The following PCDHGA12 variants were observed in gnomAD, a reference collection of about 807,000 sequenced individuals.
The protein encoded by PCDHGA12 is protocadherin gamma subfamily A, 12, also known as protocadherin gamma-A12.
PCDHGA12 carries 43 observed loss-of-function variants against 61.1 expected under a neutral mutation model. The observed-to-expected ratio is 0.70, with a 90% CI of 0.55 to 0.91. The LOEUF (loss-of-function observed/expected upper bound fraction) is 0.91. Among genes scored for constraint, PCDHGA12 ranks in the 40% least tolerant of loss-of-function variants. The pLI is 0.00. For synonymous variants in PCDHGA12, 520 were observed against 542.9 expected (o/e 0.96, Z 0.59); for missense variants, 1,236 against 1,227.7 (o/e 1.01, Z -0.10).
rs759095332 is a variant in PCDHGA12, at chr5:141,432,306, C to T, written c.1547C>T (p.Ala516Val). 1 of 1,614,250 alleles carries T rather than the reference C, an allele frequency of 6.2e-7. No homozygotes were observed. The change falls in exon 1 of 4, where the codon GCG becomes GTG. Residue 516 changes from alanine to valine, a missense_variant. Coordinates refer to ENST00000252085, the MANE Select transcript of PCDHGA12 (RefSeq NM_003735.3). This position sits in a 1 kb window ranked among gnomAD's most constrained non-coding sequence, Gnocchi z 6.0. ...AACTCCGACACTGGGGTACTGTATG[C>T]GCTGAGCTCCTTCGACTACGAGCAG... ...SINSDTGVLY[A>V]LSSFDYEQFR...
chr5:141,511,003 G>T lies in PCDHGA12; in HGVS notation c.2629G>T (p.Ala877Ser), dbSNP rs114669158. ...GGGAGTMGLS[A>S]RYGPQFTLQH... The stretch of plus-strand genomic sequence containing the variant: ...GGGTGCCGGCACCATGGGATTGAGC[G>T]CCCGCTACGGACCCCAGTTCACCCT... Residue 877 changes from alanine to serine, a missense_variant, in exon 4 of 4, where the codon GCC (alanine) becomes TCC (serine). Coordinates refer to ENST00000252085, the MANE Select transcript of PCDHGA12 (RefSeq NM_003735.3). 2 of 1,614,032 alleles carry T rather than the reference G, an allele frequency of 1.2e-6. No individual in the cohort carries two copies. Among genetic ancestry groups the T allele is most frequent in the Non-Finnish European group, 1.7e-6 (2 of 1,180,020 alleles).
chr5:141,464,184 G>T (rs1348739162), intron 1 of PCDHGA12, among the ~76,000 whole-genome samples: 1 of 150,316 alleles, frequency 6.7e-6, no homozygotes, highest in Non-Finnish European at 1.5e-5. Flanking sequence ...AGAATTGCTT[G>T]ATTTCAGGAG....
chr5:141,477,010 C>G lies in PCDHGA12; in HGVS notation c.2425-17797C>G. On this transcript the variant is annotated intron_variant, in intron 1 of 3. Coordinates refer to ENST00000252085, the MANE Select transcript of PCDHGA12 (RefSeq NM_003735.3). This position sits in a 1 kb window ranked among gnomAD's most constrained non-coding sequence, Gnocchi z 4.9. ...GCGTGCGGCAACTATTCGCCTTAGA[C>G]CTTGTAACCGGGATGCTGACAATCA... 4 of 1,614,260 alleles carry G rather than the reference C, an allele frequency of 2.5e-6. No homozygotes were observed. Among genetic ancestry groups the G allele is most frequent in the Non-Finnish European group, 2.5e-6 (3 of 1,180,052 alleles).
chr5:141,460,741 A>C (rs1378900827), intron 1 of PCDHGA12, among the ~76,000 whole-genome samples: 1 of 152,128 alleles, frequency 6.6e-6, no homozygotes, highest in African/African-American at 2.4e-5. Flanking sequence ...CACATTGTAT[A>C]TATATGTGTA....
Position 141,493,876 on chromosome 5 carries a change from G to T in PCDHGA12, c.2425-931G>T, listed in dbSNP as rs2099750541. 6.6e-6 allele frequency among the ~76,000 whole-genome samples: 1 copy of T among 152,194 alleles called. No homozygotes were observed. ...CAGCCCACCCCAGAACCAGTGAGGA[G>T]GTGGCTCTAGGAGTGCTCCATGAGA... On this transcript the variant is annotated intron_variant, in intron 1 of 3. Transcript: ENST00000252085. The surrounding 1 kb of genome is among the most constrained non-coding windows in gnomAD (Gnocchi z 4.3).
intron 1 of PCDHGA12, among the ~76,000 whole-genome samples, chr5:141,454,980 T>A (rs1049733405): frequency 9.3e-5 from 14 of 151,310 alleles, no homozygotes; most frequent in African/African-American, 2.4e-4. Context: ...GCTAATTTTT[T>A]AAAAAATATT....
intron 1 of PCDHGA12, among the ~76,000 whole-genome samples, chr5:141,484,358 G>A (rs2099595185): frequency 6.6e-6 from 1 of 152,160 alleles, no homozygotes; most frequent in South Asian, 2.1e-4. Flanking sequence ...AGTGTATCTA[G>A]TGTATCACTA....
At position 141,487,219 on chromosome 5, in the gene PCDHGA12, A is replaced by G. The variant is rs750819958; in HGVS notation, c.2425-7588A>G. ...CAGATCTTCGAGAATCTTCAGCTCC[A>G]AGGGAAGGAGAATCTCGTCTAACCC... On this transcript the variant is annotated intron_variant, in intron 1 of 3. Transcript: ENST00000252085. This position sits in a 1 kb window ranked among gnomAD's most constrained non-coding sequence, Gnocchi z 5.0. The G allele has an allele frequency of 1.2e-6, 2 of 1,613,952 alleles. No individual in the cohort carries two copies. The highest frequency in any genetic ancestry group is 3.3e-5 in the Admixed American group (2 of 60,020).
intron 1 of PCDHGA12, chr5:141,478,446 G>A: frequency 6.2e-7 from 1 of 1,613,520 alleles, no homozygotes; most frequent in Non-Finnish European, 8.5e-7. Flanking sequence ...AAGAAACCTG[G>A]TGCAGCCAGT....
Position 141,476,129 on chromosome 5 carries a change from G to T in PCDHGA12, c.2425-18678G>T, listed in dbSNP as rs2099385585. 6.2e-7 allele frequency: 1 copy of T among 1,606,848 alleles called. No homozygotes were observed. The highest frequency in any genetic ancestry group is 1.3e-5 in the African/African-American group (1 of 75,000). On this transcript the variant is annotated intron_variant, in intron 1 of 3. Transcript: ENST00000252085. The surrounding 1 kb of genome is among the most constrained non-coding windows in gnomAD (Gnocchi z 7.6). ...GCTTTTGAGTGAGATGGTCCCAGAG[G>T]CCTGGAGGAGCGGACTGGTAAGCAC...
At chr5:141,450,796 G>GTATT (rs1490825772) in intron 1 of PCDHGA12, among the ~76,000 whole-genome samples, 8 of 145,976 alleles carry the variant, frequency 5.5e-5, no homozygotes, top group African/African-American at 1.8e-4. Flanking sequence ...CCTCATGATT[G>GTATT]TATTTATTTA....
intron 1 of PCDHGA12, among the ~76,000 whole-genome samples, chr5:141,467,823 T>A (rs1225960296): frequency 1.3e-5 from 2 of 152,012 alleles, no homozygotes; most frequent in African/African-American, 2.4e-5. Flanking sequence ...CACACCAGGC[T>A]GATTTTTATA....
At chr5:141,470,723 G>T (rs1326927605) in intron 1 of PCDHGA12, among the ~76,000 whole-genome samples, 1 of 151,852 alleles carries the variant, frequency 6.6e-6, no homozygotes, top group East Asian at 1.9e-4. Flanking sequence ...TTTGAGTCAG[G>T]GTCTTGCTCT....
At chr5:141,480,625 G>A (rs1041569361) in intron 1 of PCDHGA12, among the ~76,000 whole-genome samples, 2 of 152,070 alleles carry the variant, frequency 1.3e-5, no homozygotes, top group Non-Finnish European at 2.9e-5. Flanking sequence ...ATTTTCCCTA[G>A]AACAATGTTT....
At chr5:141,442,202 G>A (rs1033563159) in intron 1 of PCDHGA12, 2 of 153,258 alleles carry the variant, frequency 1.3e-5, no homozygotes, top group African/African-American at 4.8e-5. Context: ...TTTATATCTG[G>A]TGATTGCCTT....
chr5:141,501,311 AC>A (rs2099807696), intron 2 of PCDHGA12, among the ~76,000 whole-genome samples: 1 of 151,670 alleles, frequency 6.6e-6, no homozygotes, highest in Non-Finnish European at 1.5e-5. Context: ...ACACACACAC[AC>A]ACACACACAC....
At chr5:141,502,953 C>G (rs145774277) in intron 2 of PCDHGA12, among the ~76,000 whole-genome samples, 1,594 of 147,762 alleles carry the variant, frequency 0.011, 24 homozygotes, top group African/African-American at 0.037. Context: ...AAGCGATTCT[C>G]CTGCCTCAGC....
Position 141,487,298 on chromosome 5 carries a change from G to T in PCDHGA12, c.2425-7509G>T. 6.2e-7 allele frequency: 1 copy of T among 1,614,072 alleles called. No individual in the cohort carries two copies. Among genetic ancestry groups the T allele is most frequent in the Non-Finnish European group, 8.5e-7 (1 of 1,180,018 alleles). ...TTGCTTTGTCTCCTTTGGCTCATTC[G>T]TGGCACTACTCTCTAAGTGTCTTCG... On this transcript the variant is annotated intron_variant, in intron 1 of 3. Coordinates refer to ENST00000252085, the MANE Select transcript of PCDHGA12 (RefSeq NM_003735.3). This position sits in a 1 kb window ranked among gnomAD's most constrained non-coding sequence, Gnocchi z 5.0.
Position 141,490,920 on chromosome 5 carries a change from T to A in PCDHGA12, c.2425-3887T>A. 1.2e-6 allele frequency: 2 copies of A among 1,613,638 alleles called. No homozygotes were observed. The highest frequency in any genetic ancestry group is 1.7e-6 in the Non-Finnish European group (2 of 1,179,684). The stretch of plus-strand genomic sequence containing the variant: ...TGTTTGTCCTAGACGAGAATGATAA[T>A]GCCCCAGCTGTGCTGCACCCACGGC... On this transcript the variant is annotated intron_variant, in intron 1 of 3. Coordinates refer to ENST00000252085, the MANE Select transcript of PCDHGA12 (RefSeq NM_003735.3). This position sits in a 1 kb window ranked among gnomAD's most constrained non-coding sequence, Gnocchi z 5.4.
Sources: gnomAD v4.1 joint callset for allele counts (sites outside exome capture counted in the v4.1 genomes callset) on GRCh38, gnomAD v4.1.1 for gene constraint, Gnocchi (gnomAD v3.1) non-coding constraint, MANE v1.5 for transcripts, NCBI Gene and HGNC (gene_info 2026-07-23, HGNC 2026-07-21) for gene names.